Variants in SH3TC2 observed in about 807,000 individuals in gnomAD.
SH3TC2 encodes the protein SH3 domain and tetratricopeptide repeats 2, also known as SH3 domain and tetratricopeptide repeat-containing protein 2.
SH3TC2 carries 87 observed loss-of-function variants against 124.5 expected under a neutral mutation model. The observed-to-expected ratio is 0.70, with a 90% confidence interval of 0.59 to 0.84. SH3TC2 has a LOEUF of 0.84. SH3TC2 is among the 40% of genes least tolerant of loss of function. The pLI is 0.00. For missense variants in SH3TC2, 1,536 were observed against 1,566.4 expected, an observed-to-expected ratio of 0.98 and a Z score of 0.33; for synonymous variants, 634 against 628.5, an observed-to-expected ratio of 1.01 and a Z score of -0.13.
In SH3TC2 at chr5:149,001,725, C is replaced by T. The variant is rs1482213788; in HGVS notation, c.*2986G>A. On this transcript the variant is annotated 3_prime_UTR_variant, in exon 17 of 17. Coordinates refer to ENST00000515425, the MANE Select transcript of SH3TC2 (RefSeq NM_024577.4). ...TCTTACCCTTGTCTTTGGAAACATG[C>T]TAAACATTTTTATAACTGACCTGGT... The T allele has an allele frequency of 6.6e-6, 1 of 152,142 alleles. No individual in the cohort carries two copies. The highest frequency in any genetic ancestry group is 2.1e-4 in the South Asian group (1 of 4,830). 9.4% of individuals were successfully genotyped at this position (152,142 alleles called of 1,614,324 possible). A position where few individuals can be genotyped will look rare whatever the true frequency, so the allele number is the denominator to read the frequency against.
rs1753267751 is a variant in SH3TC2 at position 148,982,550 on chromosome 5, T to G, written c.*22161A>C. The stretch of plus-strand genomic sequence containing the variant: ...TTATTCCCATCATGCAAGGAGATAC[T>G]TTACAGCTGTAAAAATGAATGAGGA... On this transcript the variant is annotated 3_prime_UTR_variant, in exon 17 of 17. Coordinates refer to ENST00000515425, the MANE Select transcript of SH3TC2 (RefSeq NM_024577.4). 6.6e-6 allele frequency among the ~76,000 whole-genome samples: 1 copy of G among 152,218 alleles called. No individual in the cohort carries two copies.
rs981935495 is a variant in SH3TC2, at chr5:148,988,593, C to T, written c.*16118G>A. 1.3e-5 allele frequency among the ~76,000 whole-genome samples: 2 copies of T among 152,182 alleles called. No individual in the cohort carries two copies. The highest frequency in any genetic ancestry group is 6.5e-5 in the Admixed American group (1 of 15,282). On this transcript the variant is annotated 3_prime_UTR_variant, in exon 17 of 17. Coordinates refer to ENST00000515425, the MANE Select transcript of SH3TC2 (RefSeq NM_024577.4). ...GCTCACGGCTCCAGTTGATCACAGC[C>T]CCAGCTGAGCTCCCAACCAACTGCA...
At position 149,045,011 on chromosome 5, in the gene SH3TC2, G is replaced by A. The variant is rs7701386; in HGVS notation, c.280-373C>T. The A allele has an allele frequency of 2.5e-3, 454 of 183,146 alleles. 1 individual carries two copies. The highest frequency in any genetic ancestry group is 9.8e-3 in the African/African-American group (412 of 42,036). The allele number at this position is 183,146 out of a possible 1,614,324, so 11.3% of individuals were successfully genotyped here. ...AAGTGTATGTGGGAGGATAAAGGAC[G>A]CTGATTCATAGAAGGCATCTTGAAA... On this transcript the variant is annotated intron_variant, in intron 3 of 16. Transcript: ENST00000515425.
At chr5:149,021,017 A>T (rs578192375) in intron 12 of SH3TC2, among the ~76,000 whole-genome samples, 31 of 152,330 alleles carry the variant, frequency 2.0e-4, no homozygotes, top group African/African-American at 7.0e-4. Context: ...CATCCTTCAG[A>T]ATAGACCATA....
intron 12 of SH3TC2, among the ~76,000 whole-genome samples, chr5:149,020,335 A>G (rs574324887): frequency 1.5e-4 from 23 of 152,342 alleles, no homozygotes; most frequent in African/African-American, 4.3e-4. Flanking sequence ...GAAATACAGG[A>G]CAAGAAATAA....
Position 148,993,012 on chromosome 5 carries a change from T to G in SH3TC2, c.*11699A>C, listed in dbSNP as rs899851245. 1.3e-5 allele frequency among the ~76,000 whole-genome samples: 2 copies of G among 152,208 alleles called. No homozygotes were observed. The highest frequency in any genetic ancestry group is 2.9e-5 in the Non-Finnish European group (2 of 68,032). On this transcript the variant is annotated 3_prime_UTR_variant, in exon 17 of 17. Coordinates refer to ENST00000515425, the MANE Select transcript of SH3TC2 (RefSeq NM_024577.4). Reference sequence around the variant, plus strand: ...TGCCACTCTGCCCATCTTCTGTGAATGAAAACTTAGCCCACAGCGTTTCAT... The same window carrying G: ...TGCCACTCTGCCCATCTTCTGTGAAGGAAAACTTAGCCCACAGCGTTTCAT...
chr5:149,037,434 G>A (rs1250039771), intron 8 of SH3TC2, among the ~76,000 whole-genome samples: 2 of 152,106 alleles, frequency 1.3e-5, no homozygotes, highest in African/African-American at 2.4e-5. Context: ...CTCTCCCCAC[G>A]AAGGGCAGGG....
chr5:149,041,361 G>A (rs1754368142), intron 6 of SH3TC2, 55 bp downstream of exon 6: 2 of 1,584,536 alleles, frequency 1.3e-6, no homozygotes, highest in African/African-American at 1.3e-5. Context: ...ACTCTGTTCT[G>A]TGCAAACCTC....
At chr5:149,038,651 C>A (rs1269214217) in intron 7 of SH3TC2, among the ~76,000 whole-genome samples, 161 bp from the exon 8 acceptor site, 1 of 152,156 alleles carries the variant, frequency 6.6e-6, no homozygotes, top group Admixed American at 6.5e-5. Context: ...AGGAATGACA[C>A]AGGACAATTT....
intron 1 of SH3TC2, chr5:149,062,491 C>T: frequency 2.2e-6 from 1 of 464,142 alleles, no homozygotes. Flanking sequence ...CACACATGCA[C>T]TCACACACAA....
At chr5:149,054,982 G>T (rs171636) in intron 1 of SH3TC2, among the ~76,000 whole-genome samples, 1 of 152,026 alleles carries the variant, frequency 6.6e-6, no homozygotes, top group East Asian at 1.9e-4. Flanking sequence ...GCAGAAAATT[G>T]CAAGGTTTTG....
Position 149,010,407 on chromosome 5 carries a change from G to A in SH3TC2, c.3205-15C>T. ...TGGATGGCTGCCTAGGTGGGACAGAGACAGCTGTTAAAGGCAGAGAGGAGG... is the reference window on the plus strand; with the variant it reads ...TGGATGGCTGCCTAGGTGGGACAGAAACAGCTGTTAAAGGCAGAGAGGAGG... On this transcript the variant is annotated splice_polypyrimidine_tract_variant and intron_variant, in intron 13 of 16. Coordinates refer to ENST00000515425, the MANE Select transcript of SH3TC2 (RefSeq NM_024577.4). 6.2e-7 allele frequency: 1 copy of A among 1,613,566 alleles called. No homozygotes were observed. The highest frequency in any genetic ancestry group is 8.5e-7 in the Non-Finnish European group (1 of 1,180,006).
chr5:149,018,403 A>G (rs1184233681), intron 12 of SH3TC2, among the ~76,000 whole-genome samples: 1 of 152,144 alleles, frequency 6.6e-6, no homozygotes, highest in East Asian at 1.9e-4. Context: ...GGTAAATTAT[A>G]AAGAAAAAGA....
rs544954149 is a variant in SH3TC2, at chr5:148,982,676, C to A, written c.*22035G>T. Among the ~76,000 whole-genome samples, 7 of 151,940 alleles carry A rather than the reference C, an allele frequency of 4.6e-5. No individual in the cohort carries two copies. Among genetic ancestry groups the A allele is most frequent in the African/African-American group, 7.3e-5 (3 of 41,326 alleles). ...TAGTATGCTATAATATTTAAAATGG[C>A]GGGAGAGTATGTCACTGAATTGTTT... is the stretch of plus-strand genomic sequence containing the variant. On this transcript the variant is annotated 3_prime_UTR_variant, in exon 17 of 17. Coordinates refer to ENST00000515425, the MANE Select transcript of SH3TC2 (RefSeq NM_024577.4).
At chr5:149,023,244 C>T (rs571345908) in intron 12 of SH3TC2, among the ~76,000 whole-genome samples, 14 of 152,092 alleles carry the variant, frequency 9.2e-5, no homozygotes, top group Non-Finnish European at 1.5e-4. Flanking sequence ...ACCACAGTGC[C>T]TGACACAATG....
chr5:149,052,170 T>C lies in SH3TC2; in HGVS notation c.123A>G (p.Lys41=). ...GATTAATGTTCTGTGGCAGAAAACA[T>C]TTTTCCTTGTATTCAGATGAGGCTA... ...ECIASSEYKE[K]CFLPQNINPD... The change falls in exon 2 of 17, where the codon AAA becomes AAG. Residue 41 remains lysine, a synonymous_variant. Transcript: ENST00000515425. 3 of 1,612,772 alleles carry C rather than the reference T, an allele frequency of 1.9e-6. No homozygotes were observed. The highest frequency in any genetic ancestry group is 2.5e-6 in the Non-Finnish European group (3 of 1,178,800).
intron 4 of SH3TC2, 63 bp downstream of exon 4, chr5:149,044,470 A>G (rs2127401393): frequency 8.1e-7 from 1 of 1,240,380 alleles, no homozygotes; most frequent in Non-Finnish European, 1.2e-6. Flanking sequence ...CTTCATGTCA[A>G]GCCCTACAAA....
In SH3TC2 at chr5:149,027,890, G is replaced by A. The variant is rs138411915; in HGVS notation, c.1842C>T (p.Asp614=). 6.2e-4 allele frequency: 999 copies of A among 1,613,912 alleles called. 5 individuals are homozygous for A. In the African/African-American group the frequency reaches 9.3e-3, roughly 15 times the overall value. ...CCTGGCGCAGCACGTAGGCCACCACGTCGAGTTCATGCTTGGCACTAGACT... is the reference window on the plus strand; with the variant it reads ...CCTGGCGCAGCACGTAGGCCACCACATCGAGTTCATGCTTGGCACTAGACT... ...DRESSAKHEL[D]VVAYVLRQGI... Residue 614 remains aspartate (D), a synonymous_variant, in exon 11 of 17, where the codon GAC becomes GAT. Transcript: ENST00000515425.
At chr5:149,010,459 G>A (rs1304094852) in intron 13 of SH3TC2, 67 bp from the exon 14 acceptor site, 8 of 1,605,774 alleles carry the variant, frequency 5.0e-6, no homozygotes, top group Non-Finnish European at 6.8e-6. Flanking sequence ...AGGACTGGCA[G>A]AGCTAAGACG....
Sources: gnomAD v4.1 joint callset for allele counts (sites outside exome capture counted in the v4.1 genomes callset) on GRCh38, gnomAD v4.1.1 for gene constraint, MANE v1.5 for transcripts, NCBI Gene and HGNC (gene_info 2026-07-23, HGNC 2026-07-21) for gene names.